STEAP2: variants seen among roughly 807,000 people sequenced by gnomAD.
STEAP2 encodes STEAP2 metalloreductase.
In STEAP2, 30 loss-of-function variants were observed where a neutral mutation model predicts 46.4. That is an observed-to-expected ratio of 0.65 (90% CI 0.48 to 0.88). The LOEUF (loss-of-function observed/expected upper bound fraction) is 0.88. Among genes scored for constraint, STEAP2 ranks in the 40% least tolerant of loss-of-function variants. The pLI, the probability that STEAP2 is intolerant of heterozygous loss-of-function variation, is 0.00. For missense variants in STEAP2, 513 were observed against 579.3 expected (o/e 0.89, Z 1.18); for synonymous variants, 180 against 200.5 (o/e 0.90, Z 0.86).
At position 90,227,598 on chromosome 7, in the gene STEAP2, G is replaced by C. The variant is rs569152042; in HGVS notation, c.1020+100G>C. 8.4e-6 allele frequency: 10 copies of C among 1,197,244 alleles called. No homozygotes were observed. The East Asian group carries it at 2.7e-4, about 32-fold the overall frequency. 74.2% of individuals were successfully genotyped at this position (1,197,244 alleles called of 1,614,324 possible). A position where few individuals can be genotyped will look rare whatever the true frequency, so the allele number is the denominator to read the frequency against. On this transcript the variant is annotated intron_variant, in intron 4 of 5. Coordinates refer to ENST00000394621, the MANE Select transcript of STEAP2 (RefSeq NM_001244944.2). ...TTTACATGCCCTGTAATGGAAATTT[G>C]ATTTTGGTATACTGCGGGAGGGGAA...
At position 90,225,425 on chromosome 7, in the gene STEAP2, G is replaced by A; in HGVS notation, c.343G>A (p.Asp115Asn). ...TCTGCTTGTGGGTAAAATCCTGATT[G>A]ATGTGAGCAATAACATGAGGATAAA... Reference protein sequence around the residue: ...RHLLVGKILIDVSNNMRINQY... With the variant: ...RHLLVGKILINVSNNMRINQY... Residue 115 changes from aspartate to asparagine, a missense_variant, in exon 3 of 6, where the codon GAT (aspartate) becomes AAT (asparagine). Coordinates refer to ENST00000394621, the MANE Select transcript of STEAP2 (RefSeq NM_001244944.2). 6.2e-7 allele frequency: 1 copy of A among 1,613,786 alleles called. No individual in the cohort carries two copies. The highest frequency in any genetic ancestry group is 8.5e-7 in the Non-Finnish European group (1 of 1,179,938).
chr7:90,239,212 T>A (rs1372980288), downstream of STEAP2, among the ~76,000 whole-genome samples: 1 of 152,170 alleles, frequency 6.6e-6, no homozygotes, highest in Non-Finnish European at 1.5e-5. Context: ...TAATCCAGTA[T>A]GACTGGTGTC....
chr7:90,237,124 G>A lies in STEAP2; in HGVS notation c.*4500G>A. 1 of 650,462 alleles carries A rather than the reference G, an allele frequency of 1.5e-6. No homozygotes were observed. Among genetic ancestry groups the A allele is most frequent in the Non-Finnish European group, 2.5e-6 (1 of 399,048 alleles). 40.3% of individuals were successfully genotyped at this position (650,462 alleles called of 1,614,324 possible). A position where few individuals can be genotyped will look rare whatever the true frequency, so the allele number is the denominator to read the frequency against. ...GGATTGTGGATATAACAGGAGCCCTGGCAGCTGTCTCCAGAGGATCAAAGC... is the reference window on the plus strand; with the variant it reads ...GGATTGTGGATATAACAGGAGCCCTAGCAGCTGTCTCCAGAGGATCAAAGC... On this transcript the variant is annotated 3_prime_UTR_variant, in exon 6 of 6. Coordinates refer to ENST00000394621, the MANE Select transcript of STEAP2 (RefSeq NM_001244944.2).
chr7:90,239,152 T>C (rs1796028482), downstream of STEAP2, among the ~76,000 whole-genome samples: 1 of 152,174 alleles, frequency 6.6e-6, no homozygotes, highest in African/African-American at 2.4e-5. Context: ...CAGAATGTAT[T>C]TGGAGATAGG....
Sources: allele counts gnomAD v4.1 joint callset (sites outside exome capture counted in the v4.1 genomes callset), GRCh38; gene constraint gnomAD v4.1.1; transcripts MANE v1.5; gene names NCBI Gene and HGNC (gene_info 2026-07-23, HGNC 2026-07-21).